Variants in CBX1 observed in about 807,000 individuals in gnomAD.
The protein encoded by CBX1 is chromobox 1.
Under a neutral mutation model 25.1 loss-of-function variants are expected in CBX1, and 10 were observed. The observed-to-expected ratio is 0.40, with a 90% CI of 0.25 to 0.68. The LOEUF (loss-of-function observed/expected upper bound fraction) is 0.68, where lower values mean the gene tolerates loss of function less well. Ranked by LOEUF, CBX1 falls within the 30% of genes least tolerant of loss-of-function variation. The probability of loss-of-function intolerance (pLI) is 0.40; values close to 1 mark genes in which losing one functional copy is unlikely to be tolerated. For missense variants in CBX1, 106 were observed against 218.5 expected (o/e 0.49, Z 3.25); for synonymous variants, 63 against 79.4 (o/e 0.79, Z 1.10).
intron 1 of CBX1, chr17:48,100,732 A>C: frequency 1.0e-6 from 1 of 983,002 alleles, no homozygotes; most frequent in Non-Finnish European, 1.2e-6. Context: ...TATTCCACAC[A>C]TCTCCTCCTC....
Position 48,071,227 on chromosome 17 carries a change from C to T in CBX1, c.*208G>A, listed in dbSNP as rs553771947. The T allele has an allele frequency of 4.7e-6, 2 of 424,614 alleles. No individual in the cohort carries two copies. The highest frequency in any genetic ancestry group is 7.3e-5 in the East Asian group (2 of 27,246). The allele number at this position is 424,614 out of a possible 1,614,324, so 26.3% of individuals were successfully genotyped here. ...AAAAGGTTGCCTTGAAACACTTATCCCCTTTCCCCTCCACTGGGATGGGTG... is the reference window on the plus strand; with the variant it reads ...AAAAGGTTGCCTTGAAACACTTATCTCCTTTCCCCTCCACTGGGATGGGTG... On this transcript the variant is annotated 3_prime_UTR_variant, in exon 5 of 5. Coordinates refer to ENST00000225603, the MANE Select transcript of CBX1 (RefSeq NM_001127228.2).
intron 4 of CBX1, among the ~76,000 whole-genome samples, chr17:48,073,806 G>C (rs923631341): frequency 1.8e-5 from 2 of 108,928 alleles, no homozygotes; most frequent in African/African-American, 7.6e-5. Context: ...CAGCCTGGGC[G>C]AAAGAGTGAG....
chr17:48,089,402 G>A (rs1279855353), intron 1 of CBX1, among the ~76,000 whole-genome samples: 2 of 150,452 alleles, frequency 1.3e-5, no homozygotes, highest in Non-Finnish European at 1.5e-5. Flanking sequence ...CGCCTGGCCA[G>A]GCATCTGCAT....
intron 4 of CBX1, among the ~76,000 whole-genome samples, chr17:48,072,819 CATT>C (rs932753457): frequency 6.7e-6 from 1 of 150,338 alleles, no homozygotes; most frequent in African/African-American, 2.4e-5. Flanking sequence ...AAATCATACA[CATT>C]ATAAGGGAAT....
chr17:48,097,486 G>A (rs1247117154), intron 1 of CBX1, among the ~76,000 whole-genome samples: 1 of 151,220 alleles, frequency 6.6e-6, no homozygotes, highest in African/African-American at 2.4e-5. Flanking sequence ...CGTTGTCGGG[G>A]CCCCCTGGTA....
chr17:48,077,695 G>A (rs978642545), intron 1 of CBX1, among the ~76,000 whole-genome samples: 2 of 151,952 alleles, frequency 1.3e-5, no homozygotes, highest in Non-Finnish European at 2.9e-5. Context: ...AAGCATGGTA[G>A]CTAGGGCCAG....
At chr17:48,099,253 C>A (rs2063393893) in intron 1 of CBX1, among the ~76,000 whole-genome samples, 2 of 152,142 alleles carry the variant, frequency 1.3e-5, no homozygotes, top group Admixed American at 1.3e-4. Context: ...CAGGCATGCG[C>A]CACTAGGCCC....
In CBX1 at chr17:48,077,521, C is replaced by T. The variant is rs199651005; in HGVS notation, c.-37-480G>A. Among the ~76,000 whole-genome samples the T allele has an allele frequency of 5.3e-5, 8 of 150,096 alleles. No homozygotes were observed. The East Asian group carries it at 1.6e-3, about 29-fold the overall frequency. ...GCCAGGTTGGTCTCGAACTCCTGAC[C>T]TCAGGTGATCCACCTGCCTCGGCCT... On this transcript the variant is annotated intron_variant, in intron 1 of 4. Coordinates refer to ENST00000225603, the MANE Select transcript of CBX1 (RefSeq NM_001127228.2).
At chr17:48,089,237 A>T (rs2063329870) in intron 1 of CBX1, among the ~76,000 whole-genome samples, 1 of 150,906 alleles carries the variant, frequency 6.6e-6, no homozygotes, top group African/African-American at 2.4e-5. Flanking sequence ...AGTAGCTGGG[A>T]CTACATGTGC....
chr17:48,098,106 C>T (rs187159248), intron 1 of CBX1, among the ~76,000 whole-genome samples: 13 of 152,016 alleles, frequency 8.6e-5, no homozygotes, highest in Non-Finnish European at 1.3e-4. Context: ...AAAAAAGAAG[C>T]CATGCATGGT....
At chr17:48,091,143 G>A (rs1015148364) in intron 1 of CBX1, among the ~76,000 whole-genome samples, 1 of 152,232 alleles carries the variant, frequency 6.6e-6, no homozygotes, top group African/African-American at 2.4e-5. Context: ...AGGTGAGAAT[G>A]AGCTTGCTTT....
At chr17:48,088,545 G>C (rs1257550061) in intron 1 of CBX1, 3 of 151,940 alleles carry the variant, frequency 2.0e-5, no homozygotes, top group Non-Finnish European at 2.9e-5. Context: ...CTTGAACCCG[G>C]GAGGCGGATG....
At chr17:48,073,676 A>C (rs546227361) in intron 4 of CBX1, among the ~76,000 whole-genome samples, 29 of 152,088 alleles carry the variant, frequency 1.9e-4, no homozygotes, top group Admixed American at 1.8e-3. Context: ...AAAATACAAA[A>C]ATCAGCCAGG....
intron 1 of CBX1, among the ~76,000 whole-genome samples, chr17:48,098,257 C>CA (rs1177517543): frequency 4.9e-5 from 3 of 60,984 alleles, no homozygotes; most frequent in Non-Finnish European, 9.9e-5. Context: ...CTTAAAAAAA[C>CA]AAAAAACAAA....
chr17:48,087,939 C>A (rs545233795), intron 1 of CBX1, among the ~76,000 whole-genome samples: 4 of 151,258 alleles, frequency 2.6e-5, no homozygotes, highest in Non-Finnish European at 4.4e-5. Context: ...CACTCCACAG[C>A]GAATACATGA....
At chr17:48,076,665 C>T (rs928514901) in intron 2 of CBX1, among the ~76,000 whole-genome samples, 200 bp downstream of exon 2, 1 of 152,056 alleles carries the variant, frequency 6.6e-6, no homozygotes, top group Non-Finnish European at 1.5e-5. Flanking sequence ...AGCGAGACCT[C>T]GTCTCAAAAG....
chr17:48,098,448 C>T (rs1167717120), intron 1 of CBX1, among the ~76,000 whole-genome samples: 1 of 152,158 alleles, frequency 6.6e-6, no homozygotes, highest in Non-Finnish European at 1.5e-5. Flanking sequence ...ACAATCTGAA[C>T]GGCCTACTAT....
Position 48,075,946 on chromosome 17 carries a change from A to G in CBX1, c.318+55T>C, listed in dbSNP as rs2037670955. 4 of 1,375,402 alleles carry G rather than the reference A, an allele frequency of 2.9e-6. No homozygotes were observed. In the South Asian group the frequency reaches 5.5e-5, roughly 19 times the overall value. 85.2% of individuals were successfully genotyped at this position (1,375,402 alleles called of 1,614,324 possible). On this transcript the variant is annotated intron_variant, in intron 3 of 4. Transcript: ENST00000225603. ...ATCAGGGAAGAAGCAGAACAAAACT[A>G]CTTTGACAGTAGTTTGAATTGTGGG...
At chr17:48,072,303 G>A (rs1311341522) in intron 4 of CBX1, among the ~76,000 whole-genome samples, 4 of 151,950 alleles carry the variant, frequency 2.6e-5, no homozygotes, top group African/African-American at 9.7e-5. Context: ...GAGCCACCTC[G>A]CCCGGCCCGT....
Sources: gnomAD v4.1 joint callset for allele counts (sites outside exome capture counted in the v4.1 genomes callset) on GRCh38, gnomAD v4.1.1 for gene constraint, MANE v1.5 for transcripts, NCBI Gene and HGNC (gene_info 2026-07-23, HGNC 2026-07-21) for gene names.